The following KCNT1 variants were observed in gnomAD, a reference collection of about 807,000 sequenced individuals.
KCNT1 encodes potassium channel subfamily T member 1.
A neutral mutation model predicts 147.8 loss-of-function variants in KCNT1; 78 were observed. That is an observed-to-expected ratio of 0.53 (90% CI 0.44 to 0.64). The LOEUF is 0.64. KCNT1 is among the 30% of genes least tolerant of loss of function. The probability of loss-of-function intolerance (pLI) is 0.00; values close to 1 mark genes in which losing one functional copy is unlikely to be tolerated. For missense variants in KCNT1, 1,419 were observed against 1,750.3 expected, an observed-to-expected ratio of 0.81 and a Z score of 3.38; for synonymous variants, 867 against 748.8, an observed-to-expected ratio of 1.16 and a Z score of -2.58.
At chr9:135,788,255 G>A in intron 29 of KCNT1, 1 of 1,091,834 alleles carries the variant, frequency 9.2e-7, no homozygotes, top group Non-Finnish European at 1.4e-6. Context: ...CGGCCAGGCA[G>A]GTGGACAGGA....
At chr9:135,736,318 G>T (rs1288413990) in intron 2 of KCNT1, among the ~76,000 whole-genome samples, 1 of 152,152 alleles carries the variant, frequency 6.6e-6, no homozygotes, top group Non-Finnish European at 1.5e-5. Flanking sequence ...TCTGCCGCCC[G>T]GGGTGGGCGC....
intron 15 of KCNT1, 83 bp downstream of exon 15, chr9:135,769,020 G>A: frequency 1.8e-6 from 2 of 1,083,490 alleles, no homozygotes; most frequent in East Asian, 2.5e-5. Context: ...TCTGGGGCAG[G>A]GCGCATGTGC....
chr9:135,776,312 C>T (rs1053677770), intron 20 of KCNT1, among the ~76,000 whole-genome samples: 18 of 152,058 alleles, frequency 1.2e-4, no homozygotes, highest in African/African-American at 4.3e-4. Flanking sequence ...GGCTGGAGTG[C>T]AGTGGTGGGA....
At position 135,767,191 on chromosome 9, in the gene KCNT1, C is replaced by T. The variant is rs183011181; in HGVS notation, c.1338-1419C>T. 8.5e-5 allele frequency among the ~76,000 whole-genome samples: 13 copies of T among 152,294 alleles called. No individual in the cohort carries two copies. In the East Asian group the frequency reaches 2.5e-3, roughly 30 times the overall value. ...ATGTCCAGAGCCCCAAGCTGGAACC[C>T]ATTGCCTATGGAACGCCACCTCTTT... On this transcript the variant is annotated intron_variant, in intron 13 of 30. Transcript: ENST00000371757.
At chr9:135,755,998 A>T (rs1471238812) in intron 6 of KCNT1, among the ~76,000 whole-genome samples, 4 of 146,966 alleles carry the variant, frequency 2.7e-5, no homozygotes, top group Non-Finnish European at 4.5e-5. Flanking sequence ...TTACTGACCC[A>T]GGGTCAGTAA....
chr9:135,731,853 A>T (rs1836444991), intron 2 of KCNT1, among the ~76,000 whole-genome samples: 1 of 150,922 alleles, frequency 6.6e-6, no homozygotes, highest in African/African-American at 2.4e-5. Flanking sequence ...GTGGAGTAGG[A>T]GCCATATCTG....
chr9:135,735,263 G>A (rs2131370524), intron 2 of KCNT1, among the ~76,000 whole-genome samples: 1 of 152,356 alleles, frequency 6.6e-6, no homozygotes, highest in Non-Finnish European at 1.5e-5. Flanking sequence ...GGGCGCTAGG[G>A]CAGGTATCGG....
At chr9:135,786,629 GTCTGTCA>G in intron 29 of KCNT1, 108 bp downstream of exon 29, 1 of 1,053,830 alleles carries the variant, frequency 9.5e-7, no homozygotes, top group Non-Finnish European at 1.3e-6. Flanking sequence ...CCGTCCTCCT[GTCTGTCA>G]TCTGTCTGTC....
intron 2 of KCNT1, among the ~76,000 whole-genome samples, chr9:135,746,364 G>C (rs758741748): frequency 2.0e-5 from 3 of 152,314 alleles, no homozygotes; most frequent in East Asian, 3.9e-4. Context: ...TCTCCCTAAG[G>C]GGGGCTCAGT....
intron 2 of KCNT1, among the ~76,000 whole-genome samples, chr9:135,722,133 G>A (rs940484611): frequency 1.3e-5 from 2 of 152,122 alleles, no homozygotes; most frequent in African/African-American, 2.4e-5. Context: ...AGGAGGGTCC[G>A]TGATACCCCT....
At chr9:135,731,987 TATATAGAGAGAGAGAGAGAGAGAG>T (rs1836476695) in intron 2 of KCNT1, among the ~76,000 whole-genome samples, 1 of 21,840 alleles carries the variant, frequency 4.6e-5, no homozygotes, top group Admixed American at 5.8e-4. Context: ...TATATATATA[TATATAGAGAGAGAGAGAGAGAGAG>T]AGAGAGAGAG....
At chr9:135,788,553 G>A (rs960933890) in intron 29 of KCNT1, among the ~76,000 whole-genome samples, 1 of 152,234 alleles carries the variant, frequency 6.6e-6, no homozygotes, top group Admixed American at 6.5e-5. Context: ...CCCACAAGCA[G>A]TCTGAGGACC....
chr9:135,764,974 C>A, intron 11 of KCNT1, 57 bp from the exon 12 acceptor site: 4 of 1,546,780 alleles, frequency 2.6e-6, no homozygotes, highest in Non-Finnish European at 3.5e-6. Flanking sequence ...GGTTCTTCAC[C>A]GGGAGCCCTC....
intron 2 of KCNT1, among the ~76,000 whole-genome samples, chr9:135,716,408 C>T (rs764295847): frequency 3.9e-5 from 6 of 152,170 alleles, no homozygotes; most frequent in Non-Finnish European, 8.8e-5. Flanking sequence ...AGAGGAGAAG[C>T]TGGCATGGGA....
intron 13 of KCNT1, among the ~76,000 whole-genome samples, chr9:135,767,820 G>GA (rs1378400373): frequency 5.3e-5 from 8 of 151,962 alleles, no homozygotes; most frequent in Non-Finnish European, 1.2e-4. Context: ...AAGCTGGGGG[G>GA]TTGCTTCAGA....
At chr9:135,751,808 C>T (rs1252730594) in intron 4 of KCNT1, among the ~76,000 whole-genome samples, 2 of 152,192 alleles carry the variant, frequency 1.3e-5, no homozygotes, top group Non-Finnish European at 2.9e-5. Flanking sequence ...CCAGGCCTCT[C>T]TCTCTGGCTC....
chr9:135,784,588 C>T lies in KCNT1; in HGVS notation c.2997C>T (p.Asp999=), dbSNP rs771951768. 1.1e-5 allele frequency: 18 copies of T among 1,594,496 alleles called. No individual in the cohort carries two copies. In the Admixed American group the frequency reaches 3.1e-4, roughly 27 times the overall value. Residue 999 remains aspartate, a synonymous_variant, in exon 26 of 31, where the codon GAC becomes GAT. Coordinates refer to ENST00000371757, the MANE Select transcript of KCNT1 (RefSeq NM_020822.3). ...ITITRLLLGL[D]TTPGSGYLCA... ...TCACCCGGCTGCTGCTGGGCCTGGACACCACGCCGGGCTCGGGGTACCTCT... is the reference window on the plus strand; with the variant it reads ...TCACCCGGCTGCTGCTGGGCCTGGATACCACGCCGGGCTCGGGGTACCTCT...
chr9:135,769,027 G>A lies in KCNT1; in HGVS notation c.1510+90G>A, dbSNP rs1478286515. 4.0e-6 allele frequency: 4 copies of A among 996,188 alleles called. No individual in the cohort carries two copies. The East Asian group carries it at 1.0e-4, about 26-fold the overall frequency. The allele number at this position is 996,188 out of a possible 1,614,324, so 61.7% of individuals were successfully genotyped here. ...ATGGTGCATCTGGGGCAGGGCGCATGTGCACATGTGTGACGGTGCGTCTGG... is the reference window on the plus strand; with the variant it reads ...ATGGTGCATCTGGGGCAGGGCGCATATGCACATGTGTGACGGTGCGTCTGG... On this transcript the variant is annotated intron_variant, in intron 15 of 30. Coordinates refer to ENST00000371757, the MANE Select transcript of KCNT1 (RefSeq NM_020822.3).
chr9:135,719,915 C>T (rs898550416), intron 2 of KCNT1, among the ~76,000 whole-genome samples: 7 of 152,212 alleles, frequency 4.6e-5, no homozygotes, highest in Non-Finnish European at 8.8e-5. Flanking sequence ...GTTTCATTAG[C>T]TCCTCTGACA....
Sources: allele counts gnomAD v4.1 joint callset (sites outside exome capture counted in the v4.1 genomes callset), GRCh38; gene constraint gnomAD v4.1.1; transcripts MANE v1.5; gene names NCBI Gene and HGNC (gene_info 2026-07-23, HGNC 2026-07-21).